The following IL18 variants were observed in gnomAD, a reference collection of about 807,000 sequenced individuals.
IL18 encodes the protein interleukin-18.
In IL18, 8 loss-of-function variants were observed where a neutral mutation model predicts 14.2. That is an observed-to-expected ratio of 0.56 (90% CI 0.33 to 1.01). IL18 has a LOEUF of 1.01. IL18 is among the 50% of genes least tolerant of loss of function. The pLI, the probability that IL18 is intolerant of heterozygous loss-of-function variation, is 0.03. For synonymous variants in IL18, 67 were observed against 71.0 expected (o/e 0.94, Z 0.28); for missense variants, 166 against 231.1 (o/e 0.72, Z 1.83).
chr11:112,155,081 A>G lies in IL18; in HGVS notation c.-8-20T>C. The G allele has an allele frequency of 1.3e-6, 2 of 1,486,388 alleles. No individual in the cohort carries two copies. The highest frequency in any genetic ancestry group is 1.9e-6 in the Non-Finnish European group (2 of 1,064,544). The allele number at this position is 1,486,388 out of a possible 1,614,324, so 92.1% of individuals were successfully genotyped here. A position where few individuals can be genotyped will look rare whatever the true frequency, so the allele number is the denominator to read the frequency against. ...TTATTCCTAATGAAAGCAAAGAGCC[A>G]TCTGTTAAGAGACAATGATTGTACC... On this transcript the variant is annotated intron_variant, in intron 1 of 5. Coordinates refer to ENST00000280357, the MANE Select transcript of IL18 (RefSeq NM_001562.4).
At position 112,148,702 on chromosome 11, in the gene IL18, C is replaced by A; in HGVS notation, c.261G>T (p.Met87Ile). The A allele has an allele frequency of 6.7e-7, 1 of 1,497,472 alleles. No individual in the cohort carries two copies. The highest frequency in any genetic ancestry group is 1.7e-4 in the Middle Eastern group (1 of 5,826). The allele number at this position is 1,497,472 out of a possible 1,614,324, so 92.8% of individuals were successfully genotyped here. The change falls in exon 5 of 6, where the codon ATG becomes ATT. Residue 87 changes from methionine (M) to isoleucine (I), a missense_variant. Met to Ile is a conservative substitution (Grantham distance 10, BLOSUM62 1). Transcript: ENST00000280357. ...TACCTCTAGGCTGGCTATCTTTATA[C>A]ATACTTATAATAAATATGGTCCGGG... ...NAPRTIFIISMYKDSQPRGMA... is the reference protein window; with the variant it reads ...NAPRTIFIISIYKDSQPRGMA...
In IL18 at chr11:112,155,072, C is replaced by A. The variant is rs767569150; in HGVS notation, c.-8-11G>T. 4 of 1,550,644 alleles carry A rather than the reference C, an allele frequency of 2.6e-6. No individual in the cohort carries two copies. Among genetic ancestry groups the A allele is most frequent in the Non-Finnish European group, 3.6e-6 (4 of 1,123,002 alleles). On this transcript the variant is annotated splice_polypyrimidine_tract_variant and intron_variant, in intron 1 of 5. Transcript: ENST00000280357. ...CAGCCATCTTTATTCCTAATGAAAG[C>A]AAAGAGCCATCTGTTAAGAGACAAT...
intron 4 of IL18, among the ~76,000 whole-genome samples, chr11:112,148,967 T>C (rs1177088216): frequency 9.8e-5 from 5 of 50,992 alleles, no homozygotes; most frequent in Non-Finnish European, 2.0e-4. Flanking sequence ...AACAACCTTT[T>C]ATAATCTATA....
chr11:112,163,488 T>C (rs1172039280), intron 1 of IL18, among the ~76,000 whole-genome samples: 2 of 152,192 alleles, frequency 1.3e-5, no homozygotes, highest in African/African-American at 2.4e-5. Context: ...CTGTGCAATA[T>C]TGCAATAGTC....
rs747448658 is a variant in IL18, at chr11:112,150,103, T to C, written c.195A>G (p.Leu65=). The change falls in exon 4 of 6, where the codon CTA becomes CTG. Residue 65 remains leucine (L), a synonymous_variant. Transcript: ENST00000280357. ...AGTCAGAATCAGTCATATCTTCAAA[T>C]AGAGGCCGATTTCCTTGGTCAATGA... ...VLFIDQGNRP[L]FEDMTDSDCR... 1.4e-5 allele frequency: 23 copies of C among 1,610,168 alleles called. No homozygotes were observed. The highest frequency in any genetic ancestry group is 8.9e-5 in the East Asian group (4 of 44,822).
At chr11:112,158,521 G>GTTTTTTTTTT (rs71060226) in intron 1 of IL18, among the ~76,000 whole-genome samples, 54,063 of 103,300 alleles carry the variant, frequency 0.52, 16,940 homozygotes, top group South Asian at 0.65. Flanking sequence ...TTTATTTGGA[G>GTTTTTTTTTT]TTTTTTTTTT....
At chr11:112,156,354 T>G (rs1866531797) in intron 1 of IL18, among the ~76,000 whole-genome samples, 1 of 152,204 alleles carries the variant, frequency 6.6e-6, no homozygotes, top group South Asian at 2.1e-4. Context: ...TACCCAGGCC[T>G]TATTTGATAG....
intron 1 of IL18, among the ~76,000 whole-genome samples, chr11:112,155,528 A>C (rs1316232202): frequency 6.6e-6 from 1 of 152,162 alleles, no homozygotes; most frequent in Non-Finnish European, 1.5e-5. Context: ...AAACAATGAT[A>C]AAAAAGTGCT....
chr11:112,156,636 G>A (rs1383213603), intron 1 of IL18, among the ~76,000 whole-genome samples: 1 of 151,964 alleles, frequency 6.6e-6, no homozygotes, highest in African/African-American at 2.4e-5. Flanking sequence ...GTAGAGACAG[G>A]GTTTCACCAC....
chr11:112,148,829 A>G (rs1866385636), intron 4 of IL18, 93 bp from the exon 5 acceptor site: 2 of 681,676 alleles, frequency 2.9e-6, no homozygotes, highest in South Asian at 4.4e-5. Context: ...TCCTTAATAC[A>G]CCTGTTCCCA....
intron 3 of IL18, 188 bp downstream of exon 3, chr11:112,153,404 G>C: frequency 2.4e-6 from 1 of 421,818 alleles, no homozygotes; most frequent in Non-Finnish European, 4.4e-6. Context: ...TCTTTTGCTA[G>C]AGGTTCTTCT....
intron 1 of IL18, among the ~76,000 whole-genome samples, chr11:112,158,521 G>GTTTTTTTTTTTTTTTTTTTT (rs71060226): frequency 9.5e-6 from 1 of 104,984 alleles, no homozygotes; most frequent in Non-Finnish European, 1.8e-5. Context: ...TTTATTTGGA[G>GTTTTTTTTTTTTTTTTTTTT]TTTTTTTTTT....
intron 2 of IL18, among the ~76,000 whole-genome samples, chr11:112,153,964 T>C (rs1866489935): frequency 6.7e-6 from 1 of 149,766 alleles, no homozygotes; most frequent in Non-Finnish European, 1.5e-5. Flanking sequence ...TTTATGAAGG[T>C]TTTTTTTTGT....
chr11:112,156,637 G>T (rs2135320520), intron 1 of IL18, among the ~76,000 whole-genome samples: 1 of 152,006 alleles, frequency 6.6e-6, no homozygotes, highest in East Asian at 1.9e-4. Flanking sequence ...TAGAGACAGG[G>T]TTTCACCACG....
chr11:112,162,115 T>C (rs1866642151), intron 1 of IL18, among the ~76,000 whole-genome samples: 2 of 152,278 alleles, frequency 1.3e-5, no homozygotes, highest in South Asian at 4.1e-4. Flanking sequence ...AAAAAATAAG[T>C]TTTTAAGTTT....
chr11:112,143,775 T>A lies in IL18; in HGVS notation c.403A>T (p.Ile135Phe), dbSNP rs777830417. 6 of 1,612,056 alleles carry A rather than the reference T, an allele frequency of 3.7e-6. No homozygotes were observed. The highest frequency in any genetic ancestry group is 5.1e-6 in the Non-Finnish European group (6 of 1,178,528). The change falls in exon 6 of 6, where the codon ATC becomes TTC. Residue 135 changes from isoleucine to phenylalanine, a missense_variant. Coordinates refer to ENST00000280357, the MANE Select transcript of IL18 (RefSeq NM_001562.4). ...PDNIKDTKSD[I>F]IFFQRSVPGH... ...GGGACACTTCTCTGAAAGAATATGA[T>A]GTCACTTTTTGTATCCTTGATGTTA...
At chr11:112,150,051 T>A in intron 4 of IL18, 21 bp downstream of exon 4, 3 of 1,587,664 alleles carry the variant, frequency 1.9e-6, no homozygotes, top group Non-Finnish European at 2.6e-6. Flanking sequence ...CATTTCTATG[T>A]TTGCGAATTA....
chr11:112,159,252 T>G (rs964023208), intron 1 of IL18, among the ~76,000 whole-genome samples: 4 of 150,662 alleles, frequency 2.7e-5, no homozygotes, highest in African/African-American at 9.8e-5. Flanking sequence ...CTCGGGAGGG[T>G]GAACTGCTTA....
At chr11:112,150,048 A>G in intron 4 of IL18, 24 bp downstream of exon 4, 3 of 1,583,864 alleles carry the variant, frequency 1.9e-6, no homozygotes, top group Non-Finnish European at 2.6e-6. Flanking sequence ...AGTCATTTCT[A>G]TGTTTGCGAA....
Sources: allele counts gnomAD v4.1 joint callset (sites outside exome capture counted in the v4.1 genomes callset), GRCh38; gene constraint gnomAD v4.1.1; transcripts MANE v1.5; gene names NCBI Gene and HGNC (gene_info 2026-07-23, HGNC 2026-07-21).